SP3: variants seen among roughly 807,000 people sequenced by gnomAD.
The protein encoded by SP3 is transcription factor Sp3.
A neutral mutation model predicts 70.3 loss-of-function variants in SP3; 10 were observed. The ratio of observed to expected loss-of-function variants is 0.14; its 90% confidence interval spans 0.09 to 0.24. SP3 has a LOEUF of 0.24. Among genes scored for constraint, SP3 ranks in the 10% least tolerant of loss-of-function variants. The probability of loss-of-function intolerance (pLI) is 1.00; values close to 1 mark genes in which losing one functional copy is unlikely to be tolerated. For missense variants in SP3, 825 were observed against 914.6 expected (o/e 0.90, Z 1.26); for synonymous variants, 402 against 333.5 (o/e 1.21, Z -2.24).
intron 4 of SP3, among the ~76,000 whole-genome samples, chr2:173,924,602 C>T (rs1330417824): frequency 6.6e-6 from 1 of 152,144 alleles, no homozygotes; most frequent in African/African-American, 2.4e-5. Context: ...ATATTATTTT[C>T]CCCCTCCTTT....
intron 5 of SP3, among the ~76,000 whole-genome samples, chr2:173,917,607 T>C (rs1689646296): frequency 6.6e-6 from 1 of 152,124 alleles, no homozygotes; most frequent in Non-Finnish European, 1.5e-5. Context: ...TCAAGTTTGT[T>C]AACTCTATTA....
chr2:173,958,438 T>C (rs1233291538), intron 3 of SP3, among the ~76,000 whole-genome samples: 1 of 152,010 alleles, frequency 6.6e-6, no homozygotes, highest in Non-Finnish European at 1.5e-5. Flanking sequence ...AAAAATAAAC[T>C]GTAGTGCCAT....
intron 4 of SP3, among the ~76,000 whole-genome samples, chr2:173,921,887 T>C (rs1689764639): frequency 6.6e-6 from 1 of 152,186 alleles, no homozygotes; most frequent in Non-Finnish European, 1.5e-5. Context: ...TTTAAGTGTG[T>C]GGCACCTTCC....
chr2:173,934,888 A>T (rs551125744), intron 4 of SP3, among the ~76,000 whole-genome samples: 1 of 152,328 alleles, frequency 6.6e-6, no homozygotes, highest in Non-Finnish European at 1.5e-5. Context: ...GGCATATAAG[A>T]GGATCCAAGG....
intron 5 of SP3, chr2:173,915,005 C>T (rs746483305): frequency 2.0e-5 from 3 of 152,136 alleles, no homozygotes; most frequent in Non-Finnish European, 4.4e-5. Flanking sequence ...CATGCCTCTC[C>T]TCTAAGCCTA....
intron 4 of SP3, among the ~76,000 whole-genome samples, chr2:173,945,554 T>C (rs903715008): frequency 6.6e-6 from 1 of 152,050 alleles, no homozygotes; most frequent in Admixed American, 6.6e-5. Context: ...GCTATACTAG[T>C]GGGGGAAAAT....
chr2:173,964,696 G>GCGGCGA (rs1691230024), intron 1 of SP3, 143 bp from the exon 2 acceptor site: 1 of 411,100 alleles, frequency 2.4e-6, no homozygotes, highest in African/African-American at 2.3e-5. Flanking sequence ...GGCGGCGGCG[G>GCGGCGA]CGGCGGCGGC....
rs934282332 is a variant in SP3, at chr2:173,905,971, T to A, written c.*3970A>T. 6.6e-6 allele frequency among the ~76,000 whole-genome samples: 1 copy of A among 152,170 alleles called. No individual in the cohort carries two copies. The highest frequency in any genetic ancestry group is 2.4e-5 in the African/African-American group (1 of 41,450). On this transcript the variant is annotated 3_prime_UTR_variant, in exon 7 of 7. Coordinates refer to ENST00000310015, the MANE Select transcript of SP3 (RefSeq NM_003111.5). ...GCCATGATTGCACCACTGCACTGTG[T>A]GACAGAGACAGACCCTGTCAAATAT...
intron 4 of SP3, among the ~76,000 whole-genome samples, chr2:173,948,026 T>A (rs540776024): frequency 1.3e-5 from 2 of 152,292 alleles, no homozygotes; most frequent in Middle Eastern, 3.4e-3. Flanking sequence ...TACCTCAGGA[T>A]AACAAACAGC....
rs1423207788 is a variant in SP3 at position 173,905,994 on chromosome 2, T to C, written c.*3947A>G. ...TGTGACAGAGACAGACCCTGTCAAA[T>C]ATAGGGAAAAAACAAACAATAAACC... On this transcript the variant is annotated 3_prime_UTR_variant, in exon 7 of 7. Coordinates refer to ENST00000310015, the MANE Select transcript of SP3 (RefSeq NM_003111.5). 6.6e-6 allele frequency among the ~76,000 whole-genome samples: 1 copy of C among 152,074 alleles called. No individual in the cohort carries two copies. Among genetic ancestry groups the C allele is most frequent in the African/African-American group, 2.4e-5 (1 of 41,406 alleles).
At position 173,913,219 on chromosome 2, in the gene SP3, C is replaced by G; in HGVS notation, c.1880G>C (p.Gly627Ala). 6.2e-7 allele frequency: 1 copy of G among 1,609,326 alleles called. No homozygotes were observed. The highest frequency in any genetic ancestry group is 2.2e-5 in the East Asian group (1 of 44,774). The change falls in exon 6 of 7, where the codon GGA (glycine) becomes GCA (alanine). Residue 627 changes from glycine to alanine, a missense_variant. By Grantham distance (60) the Gly-to-Ala change is moderately conservative (BLOSUM62 0). This residue lies in a region of SP3 where 19 missense variants were observed against 99.4 expected (regional missense o/e 0.19). Coordinates refer to ENST00000310015, the MANE Select transcript of SP3 (RefSeq NM_003111.5). ...GGTCTTCCCATAGACTTTACCACAT[C>G]CTGGTATATGACAAATGTGTTGCTT... ...KKKQHICHIPGCGKVYGKTSH... is the reference protein window; with the variant it reads ...KKKQHICHIPACGKVYGKTSH...
Position 173,958,486 on chromosome 2 carries a change from C to A in SP3, c.280-2254G>T, listed in dbSNP as rs577750153. ...TTCAGGCCATTAATTGAAGGAAAAT[C>A]TCTAAACCTAGAGCAAAGTGATGTA... On this transcript the variant is annotated intron_variant, in intron 3 of 6. Transcript: ENST00000310015. Among the ~76,000 whole-genome samples, 35 of 151,298 alleles carry A rather than the reference C, an allele frequency of 2.3e-4. No individual in the cohort carries two copies. In the South Asian group the frequency reaches 6.6e-3, roughly 29 times the overall value.
chr2:173,940,319 A>T (rs1690333876), intron 4 of SP3, among the ~76,000 whole-genome samples: 1 of 152,070 alleles, frequency 6.6e-6, no homozygotes, highest in Non-Finnish European at 1.5e-5. Flanking sequence ...TAGGTATTAG[A>T]TTTTTCATAA....
intron 5 of SP3, among the ~76,000 whole-genome samples, chr2:173,917,469 CTA>C (rs1245479810): frequency 1.3e-5 from 2 of 152,064 alleles, no homozygotes; most frequent in Non-Finnish European, 2.9e-5. Flanking sequence ...CTCAACCTCT[CTA>C]TGTCTCACTT....
At chr2:173,942,090 T>C (rs190706478) in intron 4 of SP3, among the ~76,000 whole-genome samples, 28 of 152,372 alleles carry the variant, frequency 1.8e-4, no homozygotes, top group Admixed American at 6.5e-4. Flanking sequence ...ATGTATATTC[T>C]TTCTCTACTA....
chr2:173,910,079 G>A lies in SP3; in HGVS notation c.2208C>T (p.Ile736=). The A allele has an allele frequency of 6.2e-7, 1 of 1,613,038 alleles. No homozygotes were observed. The highest frequency in any genetic ancestry group is 8.5e-7 in the Non-Finnish European group (1 of 1,179,340). Residue 736 remains isoleucine, a synonymous_variant, in exon 7 of 7, where the codon ATC becomes ATT. Coordinates refer to ENST00000310015, the MANE Select transcript of SP3 (RefSeq NM_003111.5). ...CAGAACCTTGTTGAATATTTGCAAG[G>A]ATAAGCGTTGTTCCTCCTGCAGTAA... ...TLITAGGTTL[I]LANIQQGSVS... is the part of the protein sequence containing the mutation.
At position 173,903,256 on chromosome 2, in the gene SP3, C is replaced by T. The variant is rs1689220995; in HGVS notation, c.*6685G>A. Among the ~76,000 whole-genome samples the T allele has an allele frequency of 6.6e-6, 1 of 152,162 alleles. No individual in the cohort carries two copies. The highest frequency in any genetic ancestry group is 1.5e-5 in the Non-Finnish European group (1 of 68,030). ...ATGGAAAGTGGTTTACATGCATTAA[C>T]TTATTTATCTCCATAATCACTCTAT... On this transcript the variant is annotated 3_prime_UTR_variant, in exon 7 of 7. Transcript: ENST00000310015.
In SP3 at chr2:173,920,249, CAGTGGTT is replaced by C. The variant is rs1689715318; in HGVS notation, c.1640-1471_1640-1465del. 3.9e-5 allele frequency among the ~76,000 whole-genome samples: 6 copies of C among 152,126 alleles called. No homozygotes were observed. In the East Asian group the frequency reaches 9.6e-4, roughly 24 times the overall value. On this transcript the variant is annotated intron_variant, in intron 4 of 6. Coordinates refer to ENST00000310015, the MANE Select transcript of SP3 (RefSeq NM_003111.5). ...AAACTATGAAGACATTAAAAAAGAT[CAGTGGTT>C]GCCAGGAATTAAAGGGGAGGGAGGG...
At chr2:173,930,273 T>A (rs965421132) in intron 4 of SP3, among the ~76,000 whole-genome samples, 1 of 152,174 alleles carries the variant, frequency 6.6e-6, no homozygotes, top group African/African-American at 2.4e-5. Context: ...TCCTACTGAT[T>A]GGAGGTAAGA....
Sources: gnomAD v4.1 joint callset for allele counts (sites outside exome capture counted in the v4.1 genomes callset) on GRCh38, gnomAD v4.1.1 for gene constraint, gnomAD v4.1.1 regional missense constraint, MANE v1.5 for transcripts, NCBI Gene and HGNC (gene_info 2026-07-23, HGNC 2026-07-21) for gene names.